The following CD44 variants were observed in gnomAD, a reference collection of about 807,000 sequenced individuals.
CD44 encodes CD44 antigen.
A neutral mutation model predicts 88.8 loss-of-function variants in CD44; 49 were observed. The ratio of observed to expected loss-of-function variants is 0.55; its 90% CI spans 0.44 to 0.70. The LOEUF (loss-of-function observed/expected upper bound fraction) is 0.70. Among genes scored for constraint, CD44 ranks in the 30% least tolerant of loss-of-function variants. The pLI, the probability that CD44 is intolerant of heterozygous loss-of-function variation, is 0.00. For missense variants in CD44, 883 were observed against 913.8 expected, an observed-to-expected ratio of 0.97 and a Z score of 0.43; for synonymous variants, 325 against 312.3, an observed-to-expected ratio of 1.04 and a Z score of -0.43.
chr11:35,162,894 G>A (rs573733864), intron 1 of CD44, among the ~76,000 whole-genome samples: 1 of 151,840 alleles, frequency 6.6e-6, no homozygotes, highest in South Asian at 2.1e-4. Flanking sequence ...ACACATACAT[G>A]CACACACACA....
chr11:35,140,257 G>C (rs950645724), intron 1 of CD44, among the ~76,000 whole-genome samples: 1 of 152,194 alleles, frequency 6.6e-6, no homozygotes, highest in African/African-American at 2.4e-5. Flanking sequence ...GGAGGGGAGG[G>C]GCTGCGTGTA....
intron 1 of CD44, among the ~76,000 whole-genome samples, chr11:35,159,575 G>A (rs1196442001): frequency 1.3e-5 from 2 of 152,106 alleles, no homozygotes; most frequent in Non-Finnish European, 2.9e-5. Flanking sequence ...GAAAAAAAAC[G>A]GACATTTATT....
At chr11:35,221,795 T>A in intron 17 of CD44, 63 bp downstream of exon 17, 1 of 1,395,864 alleles carries the variant, frequency 7.2e-7, no homozygotes, top group Non-Finnish European at 1.0e-6. Context: ...GGGCTTTATA[T>A]CCTTGCTGCT....
At chr11:35,143,660 T>C (rs1000362496) in intron 1 of CD44, among the ~76,000 whole-genome samples, 2 of 152,166 alleles carry the variant, frequency 1.3e-5, no homozygotes, top group African/African-American at 4.8e-5. Flanking sequence ...CCAGCATAAG[T>C]GAACTCTTGC....
intron 6 of CD44, chr11:35,197,825 G>T: frequency 3.5e-6 from 1 of 282,924 alleles, no homozygotes; most frequent in Non-Finnish European, 6.6e-6. Context: ...ATATCTGAAA[G>T]TGTGGGGGAG....
At chr11:35,181,907 A>T (rs190532354) in intron 3 of CD44, among the ~76,000 whole-genome samples, 517 of 56,160 alleles carry the variant, frequency 9.2e-3, no homozygotes, top group African/African-American at 0.015. Flanking sequence ...ATAATATATA[A>T]TATATATTAT....
chr11:35,181,044 G>A (rs140225552), intron 3 of CD44, among the ~76,000 whole-genome samples: 164 of 152,316 alleles, frequency 1.1e-3, no homozygotes, highest in African/African-American at 3.4e-3. Flanking sequence ...GCCAGCTAAC[G>A]GGGTGATTCA....
At chr11:35,218,441 G>A (rs758060636) in intron 15 of CD44, among the ~76,000 whole-genome samples, 20 of 152,146 alleles carry the variant, frequency 1.3e-4, no homozygotes, top group Non-Finnish European at 2.6e-4. Context: ...CAATTCTCCT[G>A]CCTCAGCCTC....
intron 16 of CD44, 83 bp downstream of exon 16, chr11:35,219,470 G>C (rs1949113918): frequency 1.1e-6 from 1 of 951,326 alleles, no homozygotes; most frequent in Non-Finnish European, 1.7e-6. Context: ...AGACTCATTT[G>C]AAAGCACATT....
chr11:35,191,579 G>T (rs7934770), intron 5 of CD44, among the ~76,000 whole-genome samples: 116,967 of 152,094 alleles, frequency 0.77, 45,826 homozygotes, highest in African/African-American at 0.91. Flanking sequence ...CATTATGGTA[G>T]GCAATTTTGT....
chr11:35,197,331 T>C (rs1377592571), intron 6 of CD44: 1 of 153,038 alleles, frequency 6.5e-6, no homozygotes, highest in African/African-American at 2.4e-5. Context: ...TTCCCTAAGA[T>C]AGCCTGAATC....
chr11:35,160,701 C>A (rs1360780995), intron 1 of CD44, among the ~76,000 whole-genome samples: 1 of 152,172 alleles, frequency 6.6e-6, no homozygotes, highest in Non-Finnish European at 1.5e-5. Flanking sequence ...CAGTAAGAAG[C>A]CTGATATTAA....
chr11:35,196,900 C>T (rs369611566), intron 6 of CD44, 26 bp downstream of exon 6: 104 of 1,606,338 alleles, frequency 6.5e-5, no homozygotes, highest in East Asian at 1.6e-4. Context: ...TATCTCATAG[C>T]GTATGTTTTC....
rs7941598 is a variant in CD44, at chr11:35,161,893, T to C, written c.68-14682T>C. Among the ~76,000 whole-genome samples the C allele has an allele frequency of 8.0e-4, 122 of 152,200 alleles. 1 individual carries two copies. Among genetic ancestry groups the C allele is most frequent in the African/African-American group, 2.7e-3 (111 of 41,510 alleles). On this transcript the variant is annotated intron_variant, in intron 1 of 17. Transcript: ENST00000428726. ...CTGAGCCTACAAAAAGCCCCATAAA[T>C]AAGTAAAATGTGTCCATGAGTTCAT...
At chr11:35,163,482 A>T (rs1942894538) in intron 1 of CD44, among the ~76,000 whole-genome samples, 1 of 152,166 alleles carries the variant, frequency 6.6e-6, no homozygotes, top group Non-Finnish European at 1.5e-5. Flanking sequence ...TGCGAACCAG[A>T]TGGCATCTGT....
intron 9 of CD44, 28 bp from the exon 10 acceptor site, chr11:35,204,484 T>G (rs905258053): frequency 6.2e-7 from 1 of 1,610,492 alleles, no homozygotes; most frequent in Non-Finnish European, 8.5e-7. Context: ...TAGACAATTA[T>G]GTCTCCCAAC....
At chr11:35,142,114 G>C (rs931595092) in intron 1 of CD44, among the ~76,000 whole-genome samples, 1 of 152,120 alleles carries the variant, frequency 6.6e-6, no homozygotes, top group African/African-American at 2.4e-5. Context: ...AGTGGCCCTT[G>C]GTGGAGGCCA....
intron 17 of CD44, chr11:35,222,496 C>T (rs1319966140): frequency 2.5e-6 from 3 of 1,197,616 alleles, no homozygotes; most frequent in African/African-American, 1.6e-5. Flanking sequence ...ACAGTCACCT[C>T]GCTAGAACTG....
chr11:35,189,607 C>A (rs535161085), intron 4 of CD44, among the ~76,000 whole-genome samples: 1 of 152,288 alleles, frequency 6.6e-6, no homozygotes, highest in South Asian at 2.1e-4. Context: ...GATTCAAACA[C>A]AGGGATGGGA....
Sources: allele counts gnomAD v4.1 joint callset (sites outside exome capture counted in the v4.1 genomes callset), GRCh38; gene constraint gnomAD v4.1.1; transcripts MANE v1.5; gene names NCBI Gene and HGNC (gene_info 2026-07-23, HGNC 2026-07-21).